Variants in OPCML observed in about 807,000 individuals in gnomAD.
The protein encoded by OPCML is opioid binding protein/cell adhesion molecule like, also known as opioid-binding protein/cell adhesion molecule.
A neutral mutation model predicts 37.8 loss-of-function variants in OPCML; 13 were observed. The ratio of observed to expected loss-of-function variants is 0.34; its 90% CI spans 0.22 to 0.55. The LOEUF is 0.55. Among genes scored for constraint, OPCML ranks in the 20% least tolerant of loss-of-function variants. The pLI, the probability that OPCML is intolerant of heterozygous loss-of-function variation, is 0.91. For synonymous variants in OPCML, 176 were observed against 168.8 expected (o/e 1.04, Z -0.33); for missense variants, 341 against 435.6 (o/e 0.78, Z 1.93).
At chr11:132,428,446 T>C (rs1243196353) in intron 7 of OPCML, among the ~76,000 whole-genome samples, 5 of 152,140 alleles carry the variant, frequency 3.3e-5, no homozygotes, top group African/African-American at 1.2e-4. Context: ...AAACAAAATA[T>C]AAGCATAGGG....
At chr11:133,364,910 G>C (rs1003564738) in intron 1 of OPCML, among the ~76,000 whole-genome samples, 3 of 149,786 alleles carry the variant, frequency 2.0e-5, no homozygotes, top group African/African-American at 4.9e-5. Context: ...ATCAAATTGA[G>C]ACTGATGCTG....
At chr11:132,794,935 C>G (rs1321534936) in intron 2 of OPCML, among the ~76,000 whole-genome samples, 1 of 147,994 alleles carries the variant, frequency 6.8e-6, no homozygotes, top group Non-Finnish European at 1.5e-5. Flanking sequence ...AAGATATGTA[C>G]AGTGATGCCA....
chr11:133,025,349 C>T (rs1342810998), intron 1 of OPCML: 8 of 985,160 alleles, frequency 8.1e-6, no homozygotes, highest in South Asian at 4.7e-5. Context: ...ATTAAGTTTT[C>T]GATTATATAA....
At chr11:132,560,778 GT>G (rs796710181) in intron 3 of OPCML, among the ~76,000 whole-genome samples, 14 of 152,094 alleles carry the variant, frequency 9.2e-5, no homozygotes, top group Admixed American at 5.9e-4. Context: ...TGATGGGATT[GT>G]TTTTTTCTTG....
chr11:133,125,839 GACACATGTATATAGTATAT>G (rs1331059287), intron 1 of OPCML, among the ~76,000 whole-genome samples: 10 of 142,836 alleles, frequency 7.0e-5, no homozygotes, highest in African/African-American at 2.3e-4. Context: ...TGTATATATA[GACACATGTATATAGTATAT>G]ACACATGTAT....
chr11:133,325,705 T>C (rs1432930465), intron 1 of OPCML, among the ~76,000 whole-genome samples: 1 of 152,168 alleles, frequency 6.6e-6, no homozygotes, highest in African/African-American at 2.4e-5. Context: ...GCAGGAGGGA[T>C]GACTACTTGC....
At chr11:133,422,439 T>G in intron 1 of OPCML, 1 of 975,528 alleles carries the variant, frequency 1.0e-6, no homozygotes, top group South Asian at 4.7e-5. Flanking sequence ...TCTCTATCAT[T>G]GTGGAGAGGA....
At chr11:133,314,614 C>G (rs2136604210) in intron 1 of OPCML, among the ~76,000 whole-genome samples, 1 of 152,098 alleles carries the variant, frequency 6.6e-6, no homozygotes, top group Non-Finnish European at 1.5e-5. Context: ...TCATTTCCTA[C>G]CATATTCATG....
At chr11:132,786,510 C>T (rs1947216746) in intron 2 of OPCML, among the ~76,000 whole-genome samples, 1 of 152,078 alleles carries the variant, frequency 6.6e-6, no homozygotes, top group African/African-American at 2.4e-5. Flanking sequence ...GTATGGTTCC[C>T]CTTGCCTTTC....
chr11:133,515,889 C>A (rs1948260346), intron 1 of OPCML, among the ~76,000 whole-genome samples: 1 of 151,808 alleles, frequency 6.6e-6, no homozygotes. Context: ...TTTCCCAGTC[C>A]TCACAGCGCC....
At chr11:133,516,323 G>T (rs1033061671) in intron 1 of OPCML, among the ~76,000 whole-genome samples, 3 of 152,192 alleles carry the variant, frequency 2.0e-5, no homozygotes, top group African/African-American at 7.2e-5. Flanking sequence ...GTGGCTGAGA[G>T]AACGCGACCT....
intron 1 of OPCML, among the ~76,000 whole-genome samples, chr11:133,050,374 A>G (rs1948107467): frequency 6.6e-6 from 1 of 152,194 alleles, no homozygotes; most frequent in South Asian, 2.1e-4. Flanking sequence ...TTGTCCAGGT[A>G]ATGAGCTTGC....
chr11:132,791,186 C>G (rs1460338441), intron 2 of OPCML, among the ~76,000 whole-genome samples: 1 of 152,172 alleles, frequency 6.6e-6, no homozygotes, highest in Non-Finnish European at 1.5e-5. Flanking sequence ...TAGACGAACT[C>G]GTCCACGATC....
intron 2 of OPCML, among the ~76,000 whole-genome samples, chr11:132,837,782 C>T (rs538936616): frequency 6.6e-6 from 1 of 152,142 alleles, no homozygotes; most frequent in African/African-American, 2.4e-5. Context: ...CAGGGCATGG[C>T]GGGGGAAGGC....
rs184690898 is a variant in OPCML, at chr11:133,314,214, T to A, written c.61+218050A>T. On this transcript the variant is annotated intron_variant, in intron 1 of 7. Transcript: ENST00000524381. ...CGCGCCACTGCACTCCAGCCTGGGC[T>A]ACAGCGAGACTCCGTCTCAAAAAAA... Among the ~76,000 whole-genome samples, 971 of 106,830 alleles carry A rather than the reference T, an allele frequency of 9.1e-3. 18 individuals are homozygous for A. The highest frequency in any genetic ancestry group is 0.034 in the African/African-American group (903 of 26,260). 70.1% of individuals were successfully genotyped at this position (106,830 alleles called of 152,430 possible). A position where few individuals can be genotyped will look rare whatever the true frequency, so the allele number is the denominator to read the frequency against.
At chr11:133,458,844 G>C (rs1436996081) in intron 1 of OPCML, among the ~76,000 whole-genome samples, 2 of 146,482 alleles carry the variant, frequency 1.4e-5, no homozygotes, top group African/African-American at 2.6e-5. Context: ...TATACACATA[G>C]ATGCACGTGT....
chr11:132,753,880 C>T (rs990407749), intron 2 of OPCML, among the ~76,000 whole-genome samples: 1 of 152,180 alleles, frequency 6.6e-6, no homozygotes. Context: ...TTGCATTTAC[C>T]TCTCTCTTCC....
intron 1 of OPCML, among the ~76,000 whole-genome samples, chr11:133,482,462 TG>T (rs2120356517): frequency 6.6e-6 from 1 of 152,246 alleles, no homozygotes; most frequent in East Asian, 1.9e-4. Context: ...CTGGAGGATC[TG>T]GGTGCTGCCT....
chr11:132,519,666 G>A (rs906321752), intron 4 of OPCML, among the ~76,000 whole-genome samples: 1 of 152,110 alleles, frequency 6.6e-6, no homozygotes, highest in Non-Finnish European at 1.5e-5. Context: ...ACCAAAGTTA[G>A]TGAACATAAA....
Sources: allele counts gnomAD v4.1 joint callset (sites outside exome capture counted in the v4.1 genomes callset), GRCh38; gene constraint gnomAD v4.1.1; transcripts MANE v1.5; gene names NCBI Gene and HGNC (gene_info 2026-07-23, HGNC 2026-07-21).